The following PKIB variants were observed in gnomAD, a reference collection of about 807,000 sequenced individuals.
The protein encoded by PKIB is cAMP-dependent protein kinase inhibitor beta.
A neutral mutation model predicts 4.5 loss-of-function variants in PKIB; 2 were observed. That is an observed-to-expected ratio of 0.44 (90% CI 0.18 to 1.39). PKIB has a LOEUF of 1.39. Among genes scored for constraint, PKIB ranks in the 40% most tolerant of loss-of-function variants. PKIB has a pLI of 0.27. For synonymous variants in PKIB, 38 were observed against 36.0 expected (o/e 1.06, Z -0.20); for missense variants, 94 against 92.6 (o/e 1.02, Z -0.06).
chr6:122,570,762 A>G (rs985948477), intron 2 of PKIB, among the ~76,000 whole-genome samples: 1 of 152,168 alleles, frequency 6.6e-6, no homozygotes, highest in Non-Finnish European at 1.5e-5. Flanking sequence ...GTCAAATAAA[A>G]ATAAATTCAA....
intron 2 of PKIB, among the ~76,000 whole-genome samples, chr6:122,673,813 A>G (rs1777558919): frequency 6.6e-6 from 1 of 152,228 alleles, no homozygotes; most frequent in Non-Finnish European, 1.5e-5. Context: ...TGTTTGCAGC[A>G]GAAAAGCAGA....
intron 2 of PKIB, among the ~76,000 whole-genome samples, chr6:122,582,014 T>C (rs181035474): frequency 9.9e-5 from 15 of 152,228 alleles, no homozygotes; most frequent in South Asian, 6.2e-4. Flanking sequence ...AAATTTATAC[T>C]GCAGAGATGG....
intron 2 of PKIB, among the ~76,000 whole-genome samples, chr6:122,528,142 T>A (rs758186739): frequency 1.3e-5 from 2 of 152,180 alleles, no homozygotes; most frequent in Non-Finnish European, 2.9e-5. Flanking sequence ...TAGTCTCTTA[T>A]AACAGTTTTT....
At chr6:122,705,179 A>G (rs530889272) in intron 3 of PKIB, among the ~76,000 whole-genome samples, 1 of 152,298 alleles carries the variant, frequency 6.6e-6, no homozygotes, top group Admixed American at 6.5e-5. Flanking sequence ...TTCTCCACCA[A>G]TATCTAATTT....
chr6:122,670,962 G>A (rs939173184), intron 2 of PKIB, among the ~76,000 whole-genome samples: 2 of 152,180 alleles, frequency 1.3e-5, no homozygotes, highest in Admixed American at 1.3e-4. Context: ...TTAGAACTAT[G>A]CCTTGCTTTT....
intron 3 of PKIB, among the ~76,000 whole-genome samples, chr6:122,597,357 A>G (rs955058455): frequency 6.6e-6 from 1 of 152,234 alleles, no homozygotes; most frequent in Non-Finnish European, 1.5e-5. Context: ...CTGAAGGCAA[A>G]TCACTTCTGT....
intron 2 of PKIB, among the ~76,000 whole-genome samples, chr6:122,585,184 T>C (rs1428606766): frequency 6.6e-6 from 1 of 152,110 alleles, no homozygotes; most frequent in African/African-American, 2.4e-5. Flanking sequence ...TCAATAAAAG[T>C]TGATGTCTAA....
At chr6:122,549,311 C>T (rs1772597075) in intron 2 of PKIB, among the ~76,000 whole-genome samples, 1 of 152,180 alleles carries the variant, frequency 6.6e-6, no homozygotes, top group African/African-American at 2.4e-5. Flanking sequence ...GCTTGAGCAA[C>T]CTCTTTTAAA....
At chr6:122,692,804 C>T (rs9375167) in intron 3 of PKIB, among the ~76,000 whole-genome samples, 73,031 of 152,078 alleles carry the variant, frequency 0.48, 18,309 homozygotes, top group Non-Finnish European at 0.56. Context: ...AAGATCTATC[C>T]CTCATCTGGG....
chr6:122,705,142 A>G (rs925105207), intron 3 of PKIB, among the ~76,000 whole-genome samples: 2 of 152,196 alleles, frequency 1.3e-5, no homozygotes, highest in African/African-American at 4.8e-5. Context: ...ATTATAAACA[A>G]GATCTATTGT....
intron 2 of PKIB, among the ~76,000 whole-genome samples, chr6:122,555,622 G>T (rs1193525374): frequency 2.0e-5 from 3 of 152,136 alleles, no homozygotes; most frequent in African/African-American, 7.2e-5. Context: ...GATGTGGAGG[G>T]GATAATCTCA....
chr6:122,530,929 C>T (rs1286639567), intron 2 of PKIB, among the ~76,000 whole-genome samples: 1 of 152,158 alleles, frequency 6.6e-6, no homozygotes, highest in Non-Finnish European at 1.5e-5. Flanking sequence ...GAAATCCTGT[C>T]TTGGTTTTAC....
chr6:122,473,117 AAAG>A (rs1279333525), intron 1 of PKIB, among the ~76,000 whole-genome samples: 1 of 152,254 alleles, frequency 6.6e-6, no homozygotes, highest in East Asian at 1.9e-4. Flanking sequence ...TCTCAAAAAA[AAAG>A]AATAGTGGAA....
intron 1 of PKIB, among the ~76,000 whole-genome samples, chr6:122,625,909 A>G (rs1444374942): frequency 6.6e-6 from 1 of 152,112 alleles, no homozygotes; most frequent in Non-Finnish European, 1.5e-5. Context: ...TCTCTACAAA[A>G]AATACAACAA....
chr6:122,696,794 T>C (rs1384003048), intron 3 of PKIB, among the ~76,000 whole-genome samples: 1 of 152,238 alleles, frequency 6.6e-6, no homozygotes, highest in East Asian at 1.9e-4. Context: ...CTGATGTAAC[T>C]GGACACATTG....
chr6:122,553,332 T>C (rs1772737172), intron 2 of PKIB, among the ~76,000 whole-genome samples: 1 of 152,104 alleles, frequency 6.6e-6, no homozygotes, highest in Non-Finnish European at 1.5e-5. Context: ...AAACCGCAAA[T>C]TACTTTTGCA....
chr6:122,667,990 C>A (rs1777300335), intron 2 of PKIB, among the ~76,000 whole-genome samples: 1 of 152,160 alleles, frequency 6.6e-6, no homozygotes. Flanking sequence ...ACCCTGCTCC[C>A]ACTTAACATA....
At chr6:122,672,932 G>T (rs984951515) in intron 2 of PKIB, among the ~76,000 whole-genome samples, 5 of 152,088 alleles carry the variant, frequency 3.3e-5, no homozygotes, top group Non-Finnish European at 5.9e-5. Flanking sequence ...TAAAGGATGA[G>T]TAGAGACTCT....
chr6:122,676,148 C>T (rs1777664748), intron 3 of PKIB, among the ~76,000 whole-genome samples: 1 of 151,656 alleles, frequency 6.6e-6, no homozygotes, highest in African/African-American at 2.4e-5. Context: ...ACTAGATGGT[C>T]CTATCTGGGG....
Sources: gnomAD v4.1 joint callset for allele counts (sites outside exome capture counted in the v4.1 genomes callset) on GRCh38, gnomAD v4.1.1 for gene constraint, MANE v1.5 for transcripts, NCBI Gene and HGNC (gene_info 2026-07-23, HGNC 2026-07-21) for gene names.